EBF1: variants seen among roughly 807,000 people sequenced by gnomAD.
EBF1 encodes EBF transcription factor 1, also known as transcription factor COE1.
EBF1 carries 10 observed loss-of-function variants against 68.4 expected under a neutral mutation model. The observed-to-expected ratio is 0.15, with a 90% CI of 0.09 to 0.25. The LOEUF (loss-of-function observed/expected upper bound fraction) is 0.25. EBF1 is among the 10% of genes least tolerant of loss of function. The pLI is 1.00. For synonymous variants in EBF1, 298 were observed against 299.8 expected (o/e 0.99, Z 0.06); for missense variants, 509 against 794.4 (o/e 0.64, Z 4.32).
chr5:158,767,669 G>T (rs1773033549), intron 10 of EBF1, among the ~76,000 whole-genome samples: 1 of 152,118 alleles, frequency 6.6e-6, no homozygotes, highest in Admixed American at 6.5e-5. Context: ...TAGAGAACAA[G>T]AAGACTGGGA....
At chr5:159,061,982 C>T (rs561333005) in intron 6 of EBF1, among the ~76,000 whole-genome samples, 2 of 152,290 alleles carry the variant, frequency 1.3e-5, no homozygotes, top group South Asian at 4.1e-4. Flanking sequence ...GCCTGAATGA[C>T]ATTCAGCTGA....
intron 6 of EBF1, among the ~76,000 whole-genome samples, chr5:158,946,025 G>C (rs1315981800): frequency 6.6e-6 from 1 of 152,062 alleles, no homozygotes; most frequent in East Asian, 1.9e-4. Flanking sequence ...GTGTTTTTCA[G>C]CTCCATCAGG....
At chr5:158,861,380 C>T (rs555739765) in intron 6 of EBF1, among the ~76,000 whole-genome samples, 8 of 139,812 alleles carry the variant, frequency 5.7e-5, no homozygotes, top group Non-Finnish European at 7.6e-5. Context: ...TGGAGCCCTG[C>T]CATGAGAACA....
At chr5:158,972,474 G>A (rs1755843948) in intron 6 of EBF1, among the ~76,000 whole-genome samples, 1 of 152,144 alleles carries the variant, frequency 6.6e-6, no homozygotes, top group Non-Finnish European at 1.5e-5. Flanking sequence ...TCCTGTTAGT[G>A]GAACTGACCC....
chr5:158,829,028 T>C (rs1786857665), intron 7 of EBF1, among the ~76,000 whole-genome samples: 1 of 152,168 alleles, frequency 6.6e-6, no homozygotes, highest in South Asian at 2.1e-4. Context: ...GCCAGGAGTC[T>C]GGGAGAAGAG....
intron 8 of EBF1, among the ~76,000 whole-genome samples, chr5:158,821,866 T>C (rs1266358572): frequency 1.3e-5 from 2 of 152,126 alleles, no homozygotes; most frequent in African/African-American, 4.8e-5. Context: ...AAGATGATGG[T>C]TTACTTTAAA....
In EBF1 at chr5:158,897,250, G is replaced by T. The variant is rs142127271; in HGVS notation, c.555-57140C>A. On this transcript the variant is annotated intron_variant, in intron 6 of 15. Transcript: ENST00000313708. Reference sequence around the variant, plus strand: ...TACTATGCAGCTATAAAAAGAAAGAGATCATGTCCTTTGCGGGACATGGAT... The same window carrying T: ...TACTATGCAGCTATAAAAAGAAAGATATCATGTCCTTTGCGGGACATGGAT... 6.0e-3 allele frequency among the ~76,000 whole-genome samples: 910 copies of T among 152,300 alleles called. 15 individuals carry two copies. Among genetic ancestry groups the T allele is most frequent in the African/African-American group, 0.021 (872 of 41,578 alleles).
At chr5:159,027,031 T>C (rs1215161322) in intron 6 of EBF1, among the ~76,000 whole-genome samples, 1 of 152,210 alleles carries the variant, frequency 6.6e-6, no homozygotes, top group Non-Finnish European at 1.5e-5. Context: ...CTCAGGCATC[T>C]ATCTGGACCA....
At position 159,099,694 on chromosome 5, in the gene EBF1, G is replaced by GA. The variant is rs1191011252; in HGVS notation, c.-217dup. The GA allele has an allele frequency of 2.4e-5, 9 of 381,238 alleles. No individual in the cohort carries two copies. The highest frequency in any genetic ancestry group is 4.5e-5 in the East Asian group (1 of 22,112). 23.6% of individuals were successfully genotyped at this position (381,238 alleles called of 1,614,324 possible). A position where few individuals can be genotyped will look rare whatever the true frequency, so the allele number is the denominator to read the frequency against. ...TCTGCTCAAAACTGAGCGATAACCC[G>GA]AAAAAAAGAAGAAAGGGAAAATCCA... On this transcript the variant is annotated 5_prime_UTR_variant, in exon 1 of 16. Coordinates refer to ENST00000313708, the MANE Select transcript of EBF1 (RefSeq NM_024007.5).
At chr5:158,752,750 A>G (rs746107009) in intron 10 of EBF1, among the ~76,000 whole-genome samples, 8 of 150,836 alleles carry the variant, frequency 5.3e-5, no homozygotes, top group Non-Finnish European at 8.9e-5. Flanking sequence ...AATGCAGCAA[A>G]TAAGAAGTGA....
chr5:158,940,171 A>G (rs1812928878), intron 6 of EBF1, among the ~76,000 whole-genome samples: 1 of 152,152 alleles, frequency 6.6e-6, no homozygotes, highest in Non-Finnish European at 1.5e-5. Context: ...GAGAACCACA[A>G]AGCAACTAGC....
At chr5:159,090,242 T>TAAAAA (rs11373419) in intron 4 of EBF1, among the ~76,000 whole-genome samples, 1 of 126,358 alleles carries the variant, frequency 7.9e-6, no homozygotes, top group Non-Finnish European at 1.6e-5. Context: ...TGTTTGTCAT[T>TAAAAA]AAAAAAAAAA....
chr5:158,965,576 T>C (rs1753944130), intron 6 of EBF1, among the ~76,000 whole-genome samples: 1 of 152,196 alleles, frequency 6.6e-6, no homozygotes, highest in African/African-American at 2.4e-5. Context: ...TATCCCAACC[T>C]CTAAGCCTTC....
intron 6 of EBF1, among the ~76,000 whole-genome samples, chr5:158,880,400 A>C (rs573262843): frequency 2.3e-4 from 35 of 152,310 alleles, no homozygotes; most frequent in African/African-American, 7.0e-4. Context: ...GAAGAAAGAA[A>C]ATTTCGAAAA....
At chr5:158,922,398 C>G (rs1808632839) in intron 6 of EBF1, among the ~76,000 whole-genome samples, 1 of 152,136 alleles carries the variant, frequency 6.6e-6, no homozygotes, top group African/African-American at 2.4e-5. Flanking sequence ...TAACAATAAC[C>G]GACCACATCA....
chr5:158,963,568 A>G (rs1196311355), intron 6 of EBF1, among the ~76,000 whole-genome samples: 1 of 152,222 alleles, frequency 6.6e-6, no homozygotes, highest in East Asian at 1.9e-4. Flanking sequence ...CATGCAATGT[A>G]GAATCACAAA....
intron 11 of EBF1, among the ~76,000 whole-genome samples, chr5:158,729,598 G>A (rs1763660310): frequency 6.6e-6 from 1 of 152,156 alleles, no homozygotes; most frequent in Admixed American, 6.5e-5. Context: ...CATGGGTGGA[G>A]ACTGCTGTTT....
At chr5:158,767,680 GAAAAGATAGAGTTAGGGTGAAAAAAA>G (rs1350635944) in intron 10 of EBF1, among the ~76,000 whole-genome samples, 1 of 151,972 alleles carries the variant, frequency 6.6e-6, no homozygotes, top group African/African-American at 2.4e-5. Context: ...AAGACTGGGA[GAAAAGATAGAGTTAGGGTGAAAAAAA>G]AGGTGTGGAA....
In EBF1 at chr5:158,916,796, C is replaced by T. The variant is rs74845932; in HGVS notation, c.555-76686G>A. Among the ~76,000 whole-genome samples, 15 of 152,302 alleles carry T rather than the reference C, an allele frequency of 9.8e-5. 1 individual carries two copies. The East Asian group carries it at 2.9e-3, about 29-fold the overall frequency. Reference sequence around the variant, plus strand: ...ACATTTTTTATTTCCTTACTCTGGACCACCATGACTGCTAGAATTGTCTGC... The same window carrying T: ...ACATTTTTTATTTCCTTACTCTGGATCACCATGACTGCTAGAATTGTCTGC... On this transcript the variant is annotated intron_variant, in intron 6 of 15. Coordinates refer to ENST00000313708, the MANE Select transcript of EBF1 (RefSeq NM_024007.5).
Sources: allele counts gnomAD v4.1 joint callset (sites outside exome capture counted in the v4.1 genomes callset), GRCh38; gene constraint gnomAD v4.1.1; transcripts MANE v1.5; gene names NCBI Gene and HGNC (gene_info 2026-07-23, HGNC 2026-07-21).